The following TMCO4 variants were observed in gnomAD, a reference collection of about 807,000 sequenced individuals.
TMCO4 encodes transmembrane and coiled-coil domain-containing protein 4.
TMCO4 carries 58 observed loss-of-function variants against 64.7 expected under a neutral mutation model. The ratio of observed to expected loss-of-function variants is 0.90; its 90% CI spans 0.73 to 1.12. TMCO4 has a LOEUF of 1.12. Among genes scored for constraint, TMCO4 ranks in the 50% most tolerant of loss-of-function variants. The pLI, the probability that TMCO4 is intolerant of heterozygous loss-of-function variation, is 0.00. For synonymous variants in TMCO4, 325 were observed against 346.1 expected (o/e 0.94, Z 0.68); for missense variants, 780 against 825.9 (o/e 0.94, Z 0.68).
intron 11 of TMCO4, among the ~76,000 whole-genome samples, chr1:19,740,217 T>C (rs1206401980): frequency 3.9e-5 from 6 of 152,208 alleles, no homozygotes; most frequent in Non-Finnish European, 8.8e-5. Context: ...CCTCCCACTT[T>C]GCTTCATAAC....
intron 15 of TMCO4, among the ~76,000 whole-genome samples, chr1:19,686,221 A>G (rs10917516): frequency 0.52 from 79,414 of 152,108 alleles, 22,459 homozygotes; most frequent in Non-Finnish European, 0.64. Context: ...GAAGCTGCTC[A>G]GCCTGGATCT....
At chr1:19,748,389 G>A (rs2041881911) in intron 7 of TMCO4, among the ~76,000 whole-genome samples, 1 of 152,190 alleles carries the variant, frequency 6.6e-6, no homozygotes, top group African/African-American at 2.4e-5. Flanking sequence ...AAGTTATATT[G>A]AGAATGGATG....
Position 19,683,275 on chromosome 1 carries a change from T to TG in TMCO4, c.1669dup (p.His557ProfsTer36), listed in dbSNP as rs745696356. 9.5e-5 allele frequency: 154 copies of TG among 1,614,090 alleles called. 1 individual carries two copies. Among genetic ancestry groups the TG allele is most frequent in the Middle Eastern group, 4.9e-4 (3 of 6,062 alleles). On this transcript the variant is annotated frameshift_variant, in exon 16 of 16. Transcript: ENST00000294543. LOFTEE classifies it low-confidence loss of function (END_TRUNC). ...GGGACCCTGGGTTTGCCCAACCTGG[T>TG]GGGGGGTCTCGCCTGATGAGGCGGC... is the stretch of plus-strand genomic sequence containing the variant.
At chr1:19,761,945 A>C (rs1380981647) in intron 6 of TMCO4, among the ~76,000 whole-genome samples, 1 of 152,254 alleles carries the variant, frequency 6.6e-6, no homozygotes, top group Admixed American at 6.5e-5. Context: ...AGCAGGCATC[A>C]TGGCAGGAGC....
At chr1:19,715,443 A>G (rs1458735263) in intron 13 of TMCO4, among the ~76,000 whole-genome samples, 1 of 152,170 alleles carries the variant, frequency 6.6e-6, no homozygotes, top group East Asian at 1.9e-4. Flanking sequence ...ACTGGTTTTC[A>G]TTGGGAAGGT....
chr1:19,682,985 TAA>T lies in TMCO4; in HGVS notation c.*53_*54del. 6.6e-7 allele frequency: 1 copy of T among 1,524,518 alleles called. No individual in the cohort carries two copies. Among genetic ancestry groups the T allele is most frequent in the African/African-American group, 1.4e-5 (1 of 71,938 alleles). 94.4% of individuals were successfully genotyped at this position (1,524,518 alleles called of 1,614,324 possible). A position where few individuals can be genotyped will look rare whatever the true frequency, so the allele number is the denominator to read the frequency against. ...AGCTCCTGGGAGGAACCCGAGGGTA[TAA>T]GAGAGAGCTGCATATGGAGACTGGG... On this transcript the variant is annotated 3_prime_UTR_variant, in exon 16 of 16. Coordinates refer to ENST00000294543, the MANE Select transcript of TMCO4 (RefSeq NM_181719.7).
intron 5 of TMCO4, 43 bp from the exon 6 acceptor site, chr1:19,770,612 C>G (rs116282978): frequency 6.3e-7 from 1 of 1,585,362 alleles, no homozygotes. Context: ...AGCTGATATA[C>G]GATACAGCGC....
intron 7 of TMCO4, among the ~76,000 whole-genome samples, chr1:19,754,476 G>A (rs563980710): frequency 6.6e-5 from 10 of 152,142 alleles, no homozygotes; most frequent in African/African-American, 9.6e-5. Flanking sequence ...TCCACTAACC[G>A]TGGCATGAGG....
At chr1:19,780,425 C>T (rs1294989810) in intron 4 of TMCO4, among the ~76,000 whole-genome samples, 155 bp downstream of exon 4, 2 of 152,190 alleles carry the variant, frequency 1.3e-5, no homozygotes, top group African/African-American at 2.4e-5. Context: ...CAGTACTGGT[C>T]CACGGCCTGG....
At chr1:19,769,516 C>T (rs572922560) in intron 6 of TMCO4, among the ~76,000 whole-genome samples, 4 of 152,276 alleles carry the variant, frequency 2.6e-5, no homozygotes, top group Admixed American at 2.0e-4. Context: ...TAGGAGGGTT[C>T]CAGTGGGGAG....
At chr1:19,791,748 C>T (rs918085611) in intron 2 of TMCO4, among the ~76,000 whole-genome samples, 8 of 152,336 alleles carry the variant, frequency 5.3e-5, no homozygotes, top group South Asian at 4.1e-4. Flanking sequence ...GGTCCAGCAG[C>T]GCCCTGGGGC....
chr1:19,682,960 A>T lies in TMCO4; in HGVS notation c.*80T>A, dbSNP rs1203323797. On this transcript the variant is annotated 3_prime_UTR_variant, in exon 16 of 16. Coordinates refer to ENST00000294543, the MANE Select transcript of TMCO4 (RefSeq NM_181719.7). ...GCCTGTGGAAATCCTGTACCTCCAG[A>T]GCTCCTGGGAGGAACCCGAGGGTAT... 2.0e-6 allele frequency: 3 copies of T among 1,487,028 alleles called. No homozygotes were observed. Among genetic ancestry groups the T allele is most frequent in the Non-Finnish European group, 2.7e-6 (3 of 1,107,428 alleles). The allele number at this position is 1,487,028 out of a possible 1,614,324, so 92.1% of individuals were successfully genotyped here. A position where few individuals can be genotyped will look rare whatever the true frequency, so the allele number is the denominator to read the frequency against.
chr1:19,739,515 T>G (rs958048971), intron 12 of TMCO4, among the ~76,000 whole-genome samples: 2 of 152,218 alleles, frequency 1.3e-5, no homozygotes, highest in Admixed American at 6.5e-5. Flanking sequence ...AACACTTGAA[T>G]GAAGAGCTGA....
chr1:19,699,088 C>G (rs1157747252), intron 14 of TMCO4, among the ~76,000 whole-genome samples: 1 of 151,378 alleles, frequency 6.6e-6, no homozygotes, highest in Non-Finnish European at 1.5e-5. Context: ...CCCAGCTACT[C>G]GGGAGGCTGA....
At chr1:19,699,682 A>T (rs1467133426) in intron 14 of TMCO4, among the ~76,000 whole-genome samples, 1 of 151,922 alleles carries the variant, frequency 6.6e-6, no homozygotes, top group East Asian at 1.9e-4. Flanking sequence ...GCCTCCCACC[A>T]TGCTGCCTGG....
Position 19,760,613 on chromosome 1 carries a change from C to T in TMCO4, c.383-4847G>A, listed in dbSNP as rs1570933382. ...TATATATCTCCAGCAATCCACACAC[C>T]TTTGCCTCCCAAAGTACGTGGTGGG... On this transcript the variant is annotated intron_variant, in intron 6 of 15. Transcript: ENST00000294543. 2.6e-5 allele frequency among the ~76,000 whole-genome samples: 4 copies of T among 152,188 alleles called. No homozygotes were observed. In the South Asian group the frequency reaches 8.3e-4, roughly 31 times the overall value.
intron 13 of TMCO4, among the ~76,000 whole-genome samples, chr1:19,714,672 C>T (rs1288784667): frequency 6.6e-6 from 1 of 152,200 alleles, no homozygotes; most frequent in Non-Finnish European, 1.5e-5. Flanking sequence ...CCTGTAATCC[C>T]ACCACTTTGG....
At chr1:19,684,063 CTTTTT>C (rs3048209) in intron 15 of TMCO4, among the ~76,000 whole-genome samples, 3 of 70,316 alleles carry the variant, frequency 4.3e-5, no homozygotes, top group South Asian at 6.7e-4. Context: ...TGCCCGGCAG[CTTTTT>C]TTTTTTTTTT....
chr1:19,695,244 G>A (rs1002526056), intron 14 of TMCO4, among the ~76,000 whole-genome samples: 2 of 152,236 alleles, frequency 1.3e-5, no homozygotes, highest in African/African-American at 4.8e-5. Context: ...CTATCCAGAA[G>A]AAATGACCTC....
Sources: allele counts gnomAD v4.1 joint callset (sites outside exome capture counted in the v4.1 genomes callset), GRCh38; gene constraint gnomAD v4.1.1; transcripts MANE v1.5; gene names NCBI Gene and HGNC (gene_info 2026-07-23, HGNC 2026-07-21).